The following MYO1F variants were observed in gnomAD, a reference collection of about 807,000 sequenced individuals.
The protein encoded by MYO1F is myosin IF.
In MYO1F, 60 loss-of-function variants were observed where a neutral mutation model predicts 146.6. That is an observed-to-expected ratio of 0.41 (90% CI 0.33 to 0.51). The LOEUF (loss-of-function observed/expected upper bound fraction) is 0.51. MYO1F is among the 20% of genes least tolerant of loss of function. The probability of loss-of-function intolerance (pLI) is 0.25; values close to 1 mark genes in which losing one functional copy is unlikely to be tolerated. For missense variants in MYO1F, 1,274 were observed against 1,534.3 expected, an observed-to-expected ratio of 0.83 and a Z score of 2.83; for synonymous variants, 602 against 602.1, an observed-to-expected ratio of 1.00 and a Z score of 0.00.
At chr19:8,552,998 C>G (rs560118407) in intron 6 of MYO1F, 141 bp downstream of exon 6, 11 of 811,828 alleles carry the variant, frequency 1.4e-5, no homozygotes, top group African/African-American at 1.3e-4. Flanking sequence ...AAGTGAGTCT[C>G]CCCTTCAGGA....
At chr19:8,525,253 A>C (rs1972217632) in intron 25 of MYO1F, 8 of 361,260 alleles carry the variant, frequency 2.2e-5, no homozygotes, top group Admixed American at 1.9e-4. Flanking sequence ...AGTGTAGGGT[A>C]GGAGGAGAGA....
At chr19:8,555,847 C>G (rs994260627) in intron 1 of MYO1F, 51 bp from the exon 2 acceptor site, 1 of 1,561,820 alleles carries the variant, frequency 6.4e-7, no homozygotes, top group African/African-American at 1.4e-5. Context: ...GGATGCGGCA[C>G]CTGGCTCACC....
intron 12 of MYO1F, 23 bp downstream of exon 12, chr19:8,548,012 AT>A: frequency 5.4e-6 from 3 of 557,628 alleles, no homozygotes; most frequent in Non-Finnish European, 9.1e-6. Flanking sequence ...AGGATCCCCC[AT>A]CCCTGACTGC....
Position 8,536,544 on chromosome 19 carries a change from C to G in MYO1F, c.1853G>C (p.Arg618Thr). The change falls in exon 18 of 28, where the codon AGA becomes ACA. Residue 618 changes from arginine to threonine, a missense_variant. By Grantham distance (71) the Arg-to-Thr change is moderately conservative. Coordinates refer to ENST00000644032, the MANE Select transcript of MYO1F (RefSeq NM_012335.4). ...CTGGCGGCGGTAGGCGAAGCCGGCT[C>G]TGCGCACCCTGATGTTCTCCTTCAG... ...LGLKENIRVR[R>T]AGFAYRRQFA... The G allele has an allele frequency of 1.9e-6, 3 of 1,611,708 alleles. No individual in the cohort carries two copies. The highest frequency in any genetic ancestry group is 2.2e-5 in the East Asian group (1 of 44,718).
At chr19:8,532,727 A>G (rs1972531480) in intron 19 of MYO1F, among the ~76,000 whole-genome samples, 1 of 151,966 alleles carries the variant, frequency 6.6e-6, no homozygotes, top group Admixed American at 6.6e-5. Context: ...CTCTACAAAA[A>G]CTAAGCAAAA....
intron 1 of MYO1F, among the ~76,000 whole-genome samples, chr19:8,576,083 G>T (rs968045981): frequency 6.6e-6 from 1 of 152,138 alleles, no homozygotes; most frequent in African/African-American, 2.4e-5. Flanking sequence ...TGCACCCTCC[G>T]CCTCCTGGGT....
chr19:8,536,189 C>T, intron 19 of MYO1F, 63 bp downstream of exon 19: 1 of 1,548,722 alleles, frequency 6.5e-7, no homozygotes, highest in East Asian at 2.2e-5. Flanking sequence ...CTCTCTCAGT[C>T]CCTCTCTATA....
chr19:8,567,042 C>T (rs73004535), intron 1 of MYO1F, among the ~76,000 whole-genome samples: 47 of 151,024 alleles, frequency 3.1e-4, no homozygotes, highest in Middle Eastern at 3.4e-3. Flanking sequence ...TGAGGTTAGT[C>T]CTATCACTGG....
In MYO1F at chr19:8,530,481, C is replaced by T. The variant is rs1972439779; in HGVS notation, c.2136G>A (p.Lys712=). Residue 712 remains lysine (K), a synonymous_variant, in exon 20 of 28, where the codon AAG becomes AAA. Coordinates refer to ENST00000644032, the MANE Select transcript of MYO1F (RefSeq NM_012335.4). The surrounding 1 kb of genome is among the most constrained non-coding windows in gnomAD (Gnocchi z 5.8). ...CACCTTCCTCCCGCATCTCCTCGTA[C>T]TTCCGGACAGCCACGTGGCGCCGCC... The part of the protein sequence containing the change: ...KAWRRHVAVR[K]YEEMREEASN... 6.2e-7 allele frequency: 1 copy of T among 1,613,714 alleles called. No homozygotes were observed. Among genetic ancestry groups the T allele is most frequent in the African/African-American group, 1.3e-5 (1 of 74,928 alleles).
At chr19:8,547,638 C>T (rs1267365461) in intron 12 of MYO1F, among the ~76,000 whole-genome samples, 1 of 151,256 alleles carries the variant, frequency 6.6e-6, no homozygotes, top group Non-Finnish European at 1.5e-5. Flanking sequence ...CTTACTTCCT[C>T]AGTCTCCTCT....
chr19:8,528,447 G>A (rs1393557504), intron 21 of MYO1F, among the ~76,000 whole-genome samples: 2 of 152,058 alleles, frequency 1.3e-5, no homozygotes, highest in Non-Finnish European at 2.9e-5. Flanking sequence ...AGAATTGCTT[G>A]AGCCTGGGAG....
chr19:8,535,884 TG>T, intron 19 of MYO1F, among the ~76,000 whole-genome samples: 1 of 151,980 alleles, frequency 6.6e-6, no homozygotes, highest in East Asian at 1.9e-4. Context: ...GGTTTCACTG[TG>T]TTAGCCAGGA....
At chr19:8,550,516 C>T (rs956181262) in intron 9 of MYO1F, 46 bp downstream of exon 9, 2 of 1,613,966 alleles carry the variant, frequency 1.2e-6, no homozygotes, top group African/African-American at 1.3e-5. Flanking sequence ...ACGCAGTTCA[C>T]CCACCCACAG....
chr19:8,522,283 A>G, intron 27 of MYO1F, 94 bp downstream of exon 27: 4 of 1,545,090 alleles, frequency 2.6e-6, no homozygotes, highest in Admixed American at 3.4e-5. Context: ...TGGCCTCCCA[A>G]AATGCTGGGA....
chr19:8,527,586 A>G, intron 21 of MYO1F, 103 bp from the exon 22 acceptor site: 1 of 1,441,538 alleles, frequency 6.9e-7, no homozygotes. Context: ...TCAGGTGAGG[A>G]AGGTGGGAGC....
In MYO1F at chr19:8,537,988, T is replaced by C. The variant is rs146106354; in HGVS notation, c.1693-933A>G. Among the ~76,000 whole-genome samples, 1,202 of 152,160 alleles carry C rather than the reference T, an allele frequency of 7.9e-3. 9 individuals carry two copies. Among genetic ancestry groups the C allele is most frequent in the African/African-American group, 0.027 (1,119 of 41,494 alleles). ...GTTTTATTTTTATTTTTATTTTTATTTGGAGACAAAATCTCGCTCTGTTGC... is the reference window on the plus strand; with the variant it reads ...GTTTTATTTTTATTTTTATTTTTATCTGGAGACAAAATCTCGCTCTGTTGC... On this transcript the variant is annotated intron_variant, in intron 16 of 27. Coordinates refer to ENST00000644032, the MANE Select transcript of MYO1F (RefSeq NM_012335.4).
Position 8,527,404 on chromosome 19 carries a change from T to G in MYO1F, c.2408A>C (p.Lys803Thr). The G allele has an allele frequency of 6.2e-7, 1 of 1,614,078 alleles. No individual in the cohort carries two copies. The highest frequency in any genetic ancestry group is 8.5e-7 in the Non-Finnish European group (1 of 1,179,970). The change falls in exon 22 of 28, where the codon AAG (lysine) becomes ACG (threonine). Residue 803 changes from lysine to threonine, a missense_variant. By Grantham distance (78) the Lys-to-Thr change is moderately conservative. Transcript: ENST00000644032. ...CTTCAAGACTTCACACACCTGGCCCTTCTCAGGTCCCTTCTTCACTTTCTC... is the reference window on the plus strand; with the variant it reads ...CTTCAAGACTTCACACACCTGGCCCGTCTCAGGTCCCTTCTTCACTTTCTC... Reference protein sequence around the residue: ...GREKVKKGPEKGQVCEVLKKK... With the variant: ...GREKVKKGPETGQVCEVLKKK...
chr19:8,548,182 C>T, intron 11 of MYO1F, 55 bp downstream of exon 11: 2 of 1,613,318 alleles, frequency 1.2e-6, no homozygotes, highest in East Asian at 2.2e-5. Flanking sequence ...TTCTTGTGGC[C>T]ACCCTGGGCT....
Position 8,552,256 on chromosome 19 carries a change from TCC to T in MYO1F, c.505-94_505-93del, listed in dbSNP as rs1447496589. On this transcript the variant is annotated intron_variant, in intron 6 of 27. Transcript: ENST00000644032. ...TGGGTCTTATGAGCCTTGCCTCTCT[TCC>T]CTTCTTCCTTTTTTTTTTGAGACAG... 27 of 1,331,618 alleles carry T rather than the reference TCC, an allele frequency of 2.0e-5. No individual in the cohort carries two copies. The East Asian group carries it at 6.0e-4, about 30-fold the overall frequency. The allele number at this position is 1,331,618 out of a possible 1,614,324, so 82.5% of individuals were successfully genotyped here.
Sources: allele counts gnomAD v4.1 joint callset (sites outside exome capture counted in the v4.1 genomes callset), GRCh38; gene constraint gnomAD v4.1.1; non-coding constraint Gnocchi (gnomAD v3.1); transcripts MANE v1.5; gene names NCBI Gene and HGNC (gene_info 2026-07-23, HGNC 2026-07-21).